SLC23A1: variants seen among roughly 807,000 people sequenced by gnomAD.
SLC23A1 encodes the protein Na(+)/L-ascorbic acid transporter 1.
SLC23A1 carries 31 observed loss-of-function variants against 62.5 expected under a neutral mutation model. The ratio of observed to expected loss-of-function variants is 0.50; its 90% confidence interval spans 0.37 to 0.67. SLC23A1 has a LOEUF of 0.67. SLC23A1 is among the 30% of genes least tolerant of loss of function. The pLI is 0.00. For synonymous variants in SLC23A1, 271 were observed against 313.2 expected (o/e 0.87, Z 1.42); for missense variants, 640 against 782.7 (o/e 0.82, Z 2.18).
chr5:139,379,813 C>A lies in SLC23A1; in HGVS notation c.790G>T (p.Val264Leu), dbSNP rs33972313. 4 of 1,613,872 alleles carry A rather than the reference C, an allele frequency of 2.5e-6. No homozygotes were observed. The African/African-American group carries it at 5.3e-5, about 22-fold the overall frequency. ...GTCAGGACATAGCAGAGCAGCCACA[C>A]GGTCATGATGGCCAGCATGATCTGA... Reference protein sequence around the residue: ...MFPIMLAIMTVWLLCYVLTLT... With the variant: ...MFPIMLAIMTLWLLCYVLTLT... Residue 264 changes from valine to leucine, a missense_variant, in exon 8 of 15, where the codon GTG (valine) becomes TTG (leucine). Transcript: ENST00000348729. This position sits in a 1 kb window ranked among gnomAD's most constrained non-coding sequence, Gnocchi z 4.7.
rs563154742 is a variant in SLC23A1, at chr5:139,375,910, G to T, written c.1549+1492C>A. Among the ~76,000 whole-genome samples, 3 of 152,234 alleles carry T rather than the reference G, an allele frequency of 2.0e-5. No individual in the cohort carries two copies. In the East Asian group the frequency reaches 5.8e-4, roughly 29 times the overall value. On this transcript the variant is annotated intron_variant, in intron 13 of 14. Transcript: ENST00000348729. ...GTACTTTGAGAGGCTGAGATGGGAG[G>T]ATCACTTGAGCCCAGGAGTTCAAGA...
chr5:139,382,732 C>A, intron 1 of SLC23A1, 127 bp from the exon 2 acceptor site: 1 of 646,632 alleles, frequency 1.5e-6, no homozygotes, highest in Admixed American at 3.0e-5. Context: ...CCCGCCCTCC[C>A]CAACAGTCCA....
Position 139,379,325 on chromosome 5 carries a change from C to G in SLC23A1, c.955G>C (p.Ala319Pro). The change falls in exon 9 of 15, where the codon GCT becomes CCT. Residue 319 changes from alanine to proline, a missense_variant. By Grantham distance (27) the Ala-to-Pro change is conservative. Coordinates refer to ENST00000348729, the MANE Select transcript of SLC23A1 (RefSeq NM_005847.5). This position sits in a 1 kb window ranked among gnomAD's most constrained non-coding sequence, Gnocchi z 4.7. The stretch of plus-strand genomic sequence containing the variant: ...GCGCTGAACATTCCCAGGACAGCAG[C>G]CGCAGTCACCGTGGGCAGGCCCCAC... ...CQWGLPTVTA[A>P]AVLGMFSATL... is the part of the protein sequence containing the mutation. The G allele has an allele frequency of 6.2e-7, 1 of 1,614,178 alleles. No individual in the cohort carries two copies. Among genetic ancestry groups the G allele is most frequent in the Non-Finnish European group, 8.5e-7 (1 of 1,180,012 alleles).
chr5:139,382,102 G>A, intron 2 of SLC23A1, 53 bp from the exon 3 acceptor site: 1 of 1,547,240 alleles, frequency 6.5e-7, no homozygotes, highest in Non-Finnish European at 8.8e-7. Context: ...GAGCTCCAGG[G>A]AGAGGGGACA....
Position 139,379,248 on chromosome 5 carries a change from G to C in SLC23A1, c.1032C>G (p.Arg344=). 1 of 1,614,186 alleles carries C rather than the reference G, an allele frequency of 6.2e-7. No homozygotes were observed. Among genetic ancestry groups the C allele is most frequent in the Non-Finnish European group, 8.5e-7 (1 of 1,180,014 alleles). Reference sequence around the variant, plus strand: ...CTGGAGGGGGTGGTGCACCAGCCAGGCGGGCACAGGCGTAGTAATCTCCGA... The same window carrying C: ...CTGGAGGGGGTGGTGCACCAGCCAGCCGGGCACAGGCGTAGTAATCTCCGA... ...ESIGDYYACA[R]LAGAPPPPVH... The change falls in exon 9 of 15, where the codon CGC becomes CGG. Residue 344 remains arginine (R), a synonymous_variant. Coordinates refer to ENST00000348729, the MANE Select transcript of SLC23A1 (RefSeq NM_005847.5). The surrounding 1 kb of genome is among the most constrained non-coding windows in gnomAD (Gnocchi z 4.7).
Position 139,380,272 on chromosome 5 carries a change from T to A in SLC23A1, c.583A>T (p.Ile195Phe). 2 of 1,585,308 alleles carry A rather than the reference T, an allele frequency of 1.3e-6. No individual in the cohort carries two copies. The highest frequency in any genetic ancestry group is 1.7e-6 in the Non-Finnish European group (2 of 1,165,842). The change falls in exon 6 of 15, where the codon ATT becomes TTT. Residue 195 changes from isoleucine (I) to phenylalanine (F), a missense_variant. By Grantham distance (21) the Ile-to-Phe change is conservative. Transcript: ENST00000348729. ...GCAGCTTGGAAGACAGAAAGGCCAA[T>A]GAGGGAGACAGTGGGGGTGACTGTG... ...PLTVTPTVSL[I>F]GLSVFQAAGD... is the part of the protein sequence containing the mutation.
At chr5:139,383,158 A>T in intron 1 of SLC23A1, 60 bp downstream of exon 1, 1 of 448,648 alleles carries the variant, frequency 2.2e-6, no homozygotes. Flanking sequence ...AGGCCTGCAC[A>T]GGCCCTCCAG....
At chr5:139,376,541 C>A (rs554634220) in intron 13 of SLC23A1, among the ~76,000 whole-genome samples, 1 of 152,292 alleles carries the variant, frequency 6.6e-6, no homozygotes, top group Admixed American at 6.5e-5. Flanking sequence ...CTCTGCCTTA[C>A]CCATAGTATA....
upstream of SLC23A1, chr5:139,384,823 AC>A: frequency 1.2e-6 from 1 of 844,324 alleles, no homozygotes; most frequent in Non-Finnish European, 1.4e-6. Context: ...CCGGCTCCAC[AC>A]CCTGTCCTGA....
chr5:139,384,869 C>T (rs1758448736), upstream of SLC23A1: 1 of 462,226 alleles, frequency 2.2e-6, no homozygotes, highest in East Asian at 1.5e-4. Flanking sequence ...TGACTTTCCT[C>T]CTGGTGTCTA....
chr5:139,379,104 C>A lies in SLC23A1; in HGVS notation c.1073+103G>T, dbSNP rs1207146759. 2 of 1,204,194 alleles carry A rather than the reference C, an allele frequency of 1.7e-6. No homozygotes were observed. Among genetic ancestry groups the A allele is most frequent in the East Asian group, 4.7e-5 (2 of 42,698 alleles). The allele number at this position is 1,204,194 out of a possible 1,614,324, so 74.6% of individuals were successfully genotyped here. On this transcript the variant is annotated intron_variant, in intron 9 of 14. Transcript: ENST00000348729. This position sits in a 1 kb window ranked among gnomAD's most constrained non-coding sequence, Gnocchi z 4.7. ...GGAGAATGAGGTCTGGAGCGTGTTC[C>A]CGACTTGCCTAAGCCTACCCCCTGG...
upstream of SLC23A1, chr5:139,384,341 C>T (rs770844563): frequency 4.5e-5 from 58 of 1,278,030 alleles, no homozygotes; most frequent in Non-Finnish European, 5.7e-5. Flanking sequence ...AGCCCCAGCA[C>T]TCTAGAGCCC....
chr5:139,380,857 G>A lies in SLC23A1; in HGVS notation c.338C>T (p.Ala113Val). 7.4e-7 allele frequency: 1 copy of A among 1,349,002 alleles called. No homozygotes were observed. The allele number at this position is 1,349,002 out of a possible 1,614,324, so 83.6% of individuals were successfully genotyped here. ...TATGGCTTTGGCTGGAACCAGAAAT[G>A]CAAAGGCACTGGCCTGGAACAGCGG... ...RLPLFQASAF[A>V]FLVPAKAILA... is the part of the protein sequence containing the mutation. The change falls in exon 4 of 15, where the codon GCA (alanine) becomes GTA (valine). Residue 113 changes from alanine (A) to valine (V), a missense_variant. By Grantham distance (64) the Ala-to-Val change is moderately conservative. Coordinates refer to ENST00000348729, the MANE Select transcript of SLC23A1 (RefSeq NM_005847.5).
At chr5:139,370,744 GA>G (rs1160861077) in intron 14 of SLC23A1, among the ~76,000 whole-genome samples, 1 of 151,776 alleles carries the variant, frequency 6.6e-6, no homozygotes, top group Non-Finnish European at 1.5e-5. Flanking sequence ...TCGCCCTTAA[GA>G]GTAAAGATTC....
At chr5:139,381,298 G>A (rs1191628575) in intron 3 of SLC23A1, among the ~76,000 whole-genome samples, 1 of 152,244 alleles carries the variant, frequency 6.6e-6, no homozygotes, top group Admixed American at 6.5e-5. Flanking sequence ...CGAAGAGGCT[G>A]GCACCAACCC....
upstream of SLC23A1, chr5:139,384,334 C>T (rs774224250): frequency 5.5e-6 from 7 of 1,269,682 alleles, no homozygotes; most frequent in South Asian, 5.1e-5. Flanking sequence ...CTGCCCCAGC[C>T]CCAGCACTCT....
In SLC23A1 at chr5:139,374,379, C is replaced by T. The variant is rs202060726; in HGVS notation, c.1550-2126G>A. On this transcript the variant is annotated intron_variant, in intron 13 of 14. Transcript: ENST00000348729. ...AGGAGAATGGTGTGAACCTGGGAGGCACAGCCAAGATTGCGCCACTGCACT... is the reference window on the plus strand; with the variant it reads ...AGGAGAATGGTGTGAACCTGGGAGGTACAGCCAAGATTGCGCCACTGCACT... 3.3e-5 allele frequency among the ~76,000 whole-genome samples: 5 copies of T among 152,274 alleles called. No individual in the cohort carries two copies. In the South Asian group the frequency reaches 8.3e-4, roughly 25 times the overall value.
Position 139,380,209 on chromosome 5 carries a change from A to G in SLC23A1, c.646T>C (p.Cys216Arg), listed in dbSNP as rs1758174448. 6.4e-7 allele frequency: 1 copy of G among 1,557,792 alleles called. No individual in the cohort carries two copies. Among genetic ancestry groups the G allele is most frequent in the African/African-American group, 1.4e-5 (1 of 73,296 alleles). Reference protein sequence around the residue: ...RAGSHWGISACSILLIILFSQ... With the variant: ...RAGSHWGISARSILLIILFSQ... ...GGATCAGGCCTGGTGCCTGCTCACCAAGCTGAGATGCCCCAGTGGGAGCCA... is the reference window on the plus strand; with the variant it reads ...GGATCAGGCCTGGTGCCTGCTCACCGAGCTGAGATGCCCCAGTGGGAGCCA... The change falls in exon 6 of 15, where the codon TGC (cysteine) becomes CGC (arginine). Residue 216 changes from cysteine (C) to arginine (R), a missense_variant and splice_region_variant. Transcript: ENST00000348729.
rs753041932 is a variant in SLC23A1, at chr5:139,381,853, G to A, written c.308+39C>T. 3 of 1,505,304 alleles carry A rather than the reference G, an allele frequency of 2.0e-6. No homozygotes were observed. In the African/African-American group the frequency reaches 4.2e-5, roughly 21 times the overall value. The allele number at this position is 1,505,304 out of a possible 1,614,324, so 93.2% of individuals were successfully genotyped here. ...CTCCTGCTGTGTGGATCACAGTGGA[G>A]GGGTGGCGGGGGACGGGTTGGGGGG... On this transcript the variant is annotated intron_variant, in intron 3 of 14. Coordinates refer to ENST00000348729, the MANE Select transcript of SLC23A1 (RefSeq NM_005847.5).
Sources: gnomAD v4.1 joint callset for allele counts (sites outside exome capture counted in the v4.1 genomes callset) on GRCh38, gnomAD v4.1.1 for gene constraint, Gnocchi (gnomAD v3.1) non-coding constraint, MANE v1.5 for transcripts, NCBI Gene and HGNC (gene_info 2026-07-23, HGNC 2026-07-21) for gene names.